ESRRG: variants seen among roughly 807,000 people sequenced by gnomAD.
The protein encoded by ESRRG is estrogen-related receptor gamma.
Under a neutral mutation model 44.0 loss-of-function variants are expected in ESRRG, and 13 were observed. The ratio of observed to expected loss-of-function variants is 0.30; its 90% CI spans 0.19 to 0.47. The LOEUF (loss-of-function observed/expected upper bound fraction) is 0.47, where lower values mean the gene tolerates loss of function less well. Among genes scored for constraint, ESRRG ranks in the 20% least tolerant of loss-of-function variants. The pLI is 1.00. For synonymous variants in ESRRG, 215 were observed against 214.6 expected (o/e 1.00, Z -0.02); for missense variants, 395 against 580.6 (o/e 0.68, Z 3.29).
intron 2 of ESRRG, among the ~76,000 whole-genome samples, chr1:216,898,446 C>T (rs1379384848): frequency 1.3e-5 from 2 of 151,914 alleles, no homozygotes; most frequent in Non-Finnish European, 2.9e-5. Flanking sequence ...GGTGAAAACC[C>T]ATCTCTACTA....
intron 2 of ESRRG, among the ~76,000 whole-genome samples, chr1:216,666,326 G>A (rs2073916469): frequency 6.6e-6 from 1 of 152,152 alleles, no homozygotes; most frequent in Admixed American, 6.5e-5. Context: ...CCAATTTTGA[G>A]TTCACTGGAG....
At chr1:216,620,212 T>G (rs190060851) in intron 3 of ESRRG, among the ~76,000 whole-genome samples, 39 of 152,304 alleles carry the variant, frequency 2.6e-4, no homozygotes, top group South Asian at 6.2e-4. Context: ...AATATCTCAG[T>G]TCCCCAATTT....
At chr1:216,980,856 T>C (rs1381660384) in intron 1 of ESRRG, among the ~76,000 whole-genome samples, 1 of 152,192 alleles carries the variant, frequency 6.6e-6, no homozygotes, top group Non-Finnish European at 1.5e-5. Flanking sequence ...TTCAGCAATA[T>C]AGAACTAATG....
At chr1:216,653,428 A>G (rs1043618262) in intron 2 of ESRRG, among the ~76,000 whole-genome samples, 1 of 152,216 alleles carries the variant, frequency 6.6e-6, no homozygotes, top group African/African-American at 2.4e-5. Context: ...AATATAAACT[A>G]TAAGGCTTAC....
rs566764498 is a variant in ESRRG, at chr1:216,573,102, A to G, written c.590-5004T>C. Among the ~76,000 whole-genome samples, 19 of 152,116 alleles carry G rather than the reference A, an allele frequency of 1.2e-4. No homozygotes were observed. The East Asian group carries it at 3.7e-3, about 29-fold the overall frequency. ...TAAAATTTTTAGCCTTGCATACATCAAAATGAAGGATAACTAATAATCAAT... is the reference window on the plus strand; with the variant it reads ...TAAAATTTTTAGCCTTGCATACATCGAAATGAAGGATAACTAATAATCAAT... On this transcript the variant is annotated intron_variant, in intron 3 of 6. Transcript: ENST00000408911.
At chr1:216,778,944 G>C (rs1176554695) in intron 2 of ESRRG, among the ~76,000 whole-genome samples, 1 of 150,478 alleles carries the variant, frequency 6.6e-6, no homozygotes, top group Non-Finnish European at 1.5e-5. Context: ...AATCAGCAAT[G>C]TTAACCTGAA....
chr1:217,085,480 C>CCTTTTTTTTT (rs2092021463), intron 1 of ESRRG, among the ~76,000 whole-genome samples: 1 of 66,346 alleles, frequency 1.5e-5, no homozygotes, highest in African/African-American at 6.0e-5. Context: ...CTTTTCTTTT[C>CCTTTTTTTTT]ATTTTTTTTT....
intron 1 of ESRRG, among the ~76,000 whole-genome samples, chr1:216,945,626 G>T (rs918225903): frequency 6.6e-6 from 1 of 152,166 alleles, no homozygotes; most frequent in African/African-American, 2.4e-5. Flanking sequence ...GATTCAGCTT[G>T]ATGTACTGTC....
rs1244998311 is a variant in ESRRG, at chr1:216,723,416, T to C, written c.-117A>G. 1.1e-6 allele frequency: 1 copy of C among 919,388 alleles called. No homozygotes were observed. The highest frequency in any genetic ancestry group is 2.5e-5 in the East Asian group (1 of 40,600). The allele number at this position is 919,388 out of a possible 1,614,324, so 57.0% of individuals were successfully genotyped here. A position where few individuals can be genotyped will look rare whatever the true frequency, so the allele number is the denominator to read the frequency against. ...TGACAAGCCTATAGGCACAGCCAGTTGGGACCAAAGCTCTCACACTCTCCT... is the reference window on the plus strand; with the variant it reads ...TGACAAGCCTATAGGCACAGCCAGTCGGGACCAAAGCTCTCACACTCTCCT... On this transcript the variant is annotated 5_prime_UTR_variant, in exon 1 of 7. Transcript: ENST00000408911.
intron 2 of ESRRG, among the ~76,000 whole-genome samples, chr1:216,887,035 G>A (rs1057339482): frequency 1.3e-5 from 2 of 151,996 alleles, no homozygotes; most frequent in Non-Finnish European, 2.9e-5. Context: ...ACGTCGCCCC[G>A]CCCCTTATAA....
upstream of ESRRG, among the ~76,000 whole-genome samples, chr1:216,725,213 G>C (rs1405942566): frequency 6.6e-6 from 1 of 152,066 alleles, no homozygotes; most frequent in East Asian, 1.9e-4. Context: ...CCTTTTATTT[G>C]TGTTCTAAAT....
intron 2 of ESRRG, among the ~76,000 whole-genome samples, chr1:216,671,341 C>A (rs1221898412): frequency 1.3e-5 from 2 of 152,130 alleles, no homozygotes; most frequent in Non-Finnish European, 1.5e-5. Flanking sequence ...TATAAAGGCA[C>A]CATCAGTGAG....
chr1:216,556,582 T>A (rs1355811526), intron 5 of ESRRG, among the ~76,000 whole-genome samples: 1 of 152,168 alleles, frequency 6.6e-6, no homozygotes, highest in African/African-American at 2.4e-5. Flanking sequence ...TCAATAGCAC[T>A]TCACTGCCTT....
intron 1 of ESRRG, among the ~76,000 whole-genome samples, chr1:217,125,686 A>G (rs769747363): frequency 2.6e-5 from 4 of 152,244 alleles, no homozygotes; most frequent in Non-Finnish European, 5.9e-5. Flanking sequence ...CACCTCAAGT[A>G]AGAACAACCT....
chr1:216,765,282 C>T (rs1559548959), intron 2 of ESRRG, among the ~76,000 whole-genome samples: 1 of 152,004 alleles, frequency 6.6e-6, no homozygotes, highest in Non-Finnish European at 1.5e-5. Flanking sequence ...ATGACTAAAA[C>T]ACTATTAACA....
intron 1 of ESRRG, among the ~76,000 whole-genome samples, chr1:216,976,411 A>G (rs3862957): frequency 0.039 from 5,865 of 152,058 alleles, 336 homozygotes; most frequent in African/African-American, 0.13. Context: ...AAACTAGGAC[A>G]CTACTCCATG....
intron 2 of ESRRG, among the ~76,000 whole-genome samples, chr1:216,843,154 T>A (rs945888686): frequency 6.6e-6 from 1 of 152,070 alleles, no homozygotes. Flanking sequence ...TTTTTTTTCT[T>A]AAATTTCCAT....
At chr1:216,536,495 C>T (rs2051004847) in intron 5 of ESRRG, among the ~76,000 whole-genome samples, 1 of 152,104 alleles carries the variant, frequency 6.6e-6, no homozygotes, top group African/African-American at 2.4e-5. Context: ...TCCTCATTAT[C>T]TTCCACCTGA....
intron 1 of ESRRG, among the ~76,000 whole-genome samples, chr1:217,100,709 C>G (rs945328713): frequency 3.9e-5 from 6 of 152,178 alleles, no homozygotes; most frequent in African/African-American, 1.2e-4. Context: ...TGAGCCAGCA[C>G]ATCACATGGC....
Sources: gnomAD v4.1 joint callset for allele counts (sites outside exome capture counted in the v4.1 genomes callset) on GRCh38, gnomAD v4.1.1 for gene constraint, MANE v1.5 for transcripts, NCBI Gene and HGNC (gene_info 2026-07-23, HGNC 2026-07-21) for gene names.